Variants in ATP9A observed in about 807,000 individuals in gnomAD.
ATP9A encodes ATPase phospholipid transporting 9A.
ATP9A carries 52 observed loss-of-function variants against 144.1 expected under a neutral mutation model. The ratio of observed to expected loss-of-function variants is 0.36; its 90% CI spans 0.29 to 0.45. The LOEUF is 0.45. Among genes scored for constraint, ATP9A ranks in the 20% least tolerant of loss-of-function variants. ATP9A has a pLI of 1.00. For missense variants in ATP9A, 947 were observed against 1,392.7 expected (o/e 0.68, Z 5.09); for synonymous variants, 582 against 557.4 (o/e 1.04, Z -0.62).
chr20:51,717,374 G>C (rs187042956), intron 3 of ATP9A, among the ~76,000 whole-genome samples: 242 of 152,226 alleles, frequency 1.6e-3, no homozygotes, highest in Middle Eastern at 3.4e-3. Context: ...TGGTCACCTA[G>C]AAGTAGATGC....
At chr20:51,668,148 T>G (rs1180049972) in intron 13 of ATP9A, among the ~76,000 whole-genome samples, 185 of 3,456 alleles carry the variant, frequency 0.054, no homozygotes, top group African/African-American at 0.092. Context: ...GGAGGGAGGG[T>G]AAGGAAAGGA....
Position 51,598,361 on chromosome 20 carries a change from CT to C in ATP9A, c.*2849del, listed in dbSNP as rs2077128100. 1 of 152,126 alleles carries C rather than the reference CT, an allele frequency of 6.6e-6. No homozygotes were observed. The highest frequency in any genetic ancestry group is 1.5e-5 in the Non-Finnish European group (1 of 68,022). 9.4% of individuals were successfully genotyped at this position (152,126 alleles called of 1,614,324 possible). A position where few individuals can be genotyped will look rare whatever the true frequency, so the allele number is the denominator to read the frequency against. On this transcript the variant is annotated 3_prime_UTR_variant, in exon 28 of 28. Transcript: ENST00000338821. ...AGGGCGCAGGGAGCTGTGAGTTTTG[CT>C]TTCAGGAAAAGTGTTCAAACAGTGC... is the stretch of plus-strand genomic sequence containing the variant.
chr20:51,684,872 G>T (rs992532972), intron 9 of ATP9A, among the ~76,000 whole-genome samples: 2 of 150,614 alleles, frequency 1.3e-5, no homozygotes, highest in African/African-American at 2.4e-5. Flanking sequence ...TTAGCCTGGC[G>T]TAGTGGCAGG....
chr20:51,601,982 C>CT (rs2077145102), intron 27 of ATP9A, among the ~76,000 whole-genome samples: 1 of 152,138 alleles, frequency 6.6e-6, no homozygotes, highest in East Asian at 1.9e-4. Context: ...TTGGTGTTGT[C>CT]TAACAGTTGG....
At chr20:51,747,124 A>C (rs867866411) in intron 1 of ATP9A, among the ~76,000 whole-genome samples, 1 of 141,654 alleles carries the variant, frequency 7.1e-6, no homozygotes, top group African/African-American at 2.7e-5. Context: ...TTCCTGTTTA[A>C]CTAGGAGAAT....
intron 3 of ATP9A, among the ~76,000 whole-genome samples, chr20:51,722,465 G>C (rs1177982563): frequency 1.3e-5 from 2 of 151,974 alleles, no homozygotes; most frequent in Non-Finnish European, 2.9e-5. Context: ...CTAACATCCA[G>C]AATCTACAAA....
At chr20:51,663,770 G>A (rs1208406900) in intron 13 of ATP9A, among the ~76,000 whole-genome samples, 3 of 137,454 alleles carry the variant, frequency 2.2e-5, no homozygotes, top group African/African-American at 8.0e-5. Flanking sequence ...CTCCAGCCTG[G>A]GAAACAGAGC....
At chr20:51,617,923 A>G (rs1197677140) in intron 21 of ATP9A, among the ~76,000 whole-genome samples, 1 of 152,184 alleles carries the variant, frequency 6.6e-6, no homozygotes, top group Non-Finnish European at 1.5e-5. Flanking sequence ...AGCACATTTT[A>G]AAGGTGATCC....
intron 13 of ATP9A, among the ~76,000 whole-genome samples, chr20:51,657,640 T>C (rs2235858): frequency 0.23 from 35,710 of 152,160 alleles, 5,018 homozygotes; most frequent in East Asian, 0.49. Flanking sequence ...AAATGTCCAA[T>C]AGAGGCCAAA....
intron 4 of ATP9A, among the ~76,000 whole-genome samples, chr20:51,702,798 G>C (rs746749270): frequency 6.6e-6 from 1 of 152,094 alleles, no homozygotes. Flanking sequence ...AACAAGATAC[G>C]GAGAAGTAAC....
intron 8 of ATP9A, 127 bp downstream of exon 8, chr20:51,690,612 G>T: frequency 1.3e-6 from 1 of 778,384 alleles, no homozygotes. Context: ...TCAAGGCGGT[G>T]CCTTCTTTAT....
At chr20:51,606,243 C>T (rs965343602) in intron 26 of ATP9A, among the ~76,000 whole-genome samples, 2 of 152,128 alleles carry the variant, frequency 1.3e-5, no homozygotes, top group African/African-American at 4.8e-5. Flanking sequence ...GACAAAAGAG[C>T]AAAACTCCAT....
chr20:51,708,936 C>A (rs1224647192), intron 4 of ATP9A, among the ~76,000 whole-genome samples: 1 of 152,014 alleles, frequency 6.6e-6, no homozygotes, highest in East Asian at 1.9e-4. Flanking sequence ...ATATAACTGA[C>A]AAACCTGGTC....
chr20:51,724,617 G>A (rs539326030), intron 3 of ATP9A, among the ~76,000 whole-genome samples: 17 of 152,280 alleles, frequency 1.1e-4, no homozygotes, highest in Non-Finnish European at 2.2e-4. Context: ...CTGGTTTATT[G>A]TCTATCCCTT....
rs1027443310 is a variant in ATP9A, at chr20:51,688,970, C to T, written c.799+94G>A. 51 of 1,352,514 alleles carry T rather than the reference C, an allele frequency of 3.8e-5. No individual in the cohort carries two copies. In the African/African-American group the frequency reaches 6.8e-4, roughly 18 times the overall value. The allele number at this position is 1,352,514 out of a possible 1,614,324, so 83.8% of individuals were successfully genotyped here. A position where few individuals can be genotyped will look rare whatever the true frequency, so the allele number is the denominator to read the frequency against. The stretch of plus-strand genomic sequence containing the variant: ...GTGGAAAATGCCATTTGACCGAGCA[C>T]TCATTTTTCCAACTGACAGATGATT... On this transcript the variant is annotated intron_variant, in intron 9 of 27. Coordinates refer to ENST00000338821, the MANE Select transcript of ATP9A (RefSeq NM_006045.3).
chr20:51,681,191 GA>G (rs1429111748), intron 9 of ATP9A, among the ~76,000 whole-genome samples: 1 of 152,156 alleles, frequency 6.6e-6, no homozygotes, highest in Non-Finnish European at 1.5e-5. Context: ...AATGTTATGA[GA>G]CCAAGTTAAG....
chr20:51,696,197 C>G (rs927115427), intron 5 of ATP9A, 53 bp from the exon 6 acceptor site: 2 of 1,576,674 alleles, frequency 1.3e-6, no homozygotes, highest in East Asian at 2.2e-5. Context: ...GTGTGCTGTG[C>G]GGTGGGGAGG....
chr20:51,748,376 A>G (rs1156607714), intron 1 of ATP9A, among the ~76,000 whole-genome samples: 1 of 152,216 alleles, frequency 6.6e-6, no homozygotes, highest in Non-Finnish European at 1.5e-5. Flanking sequence ...AAAACAATGA[A>G]TGAAAATAAA....
At chr20:51,761,397 A>C (rs1217888786) in intron 1 of ATP9A, among the ~76,000 whole-genome samples, 1 of 152,176 alleles carries the variant, frequency 6.6e-6, no homozygotes, top group Non-Finnish European at 1.5e-5. Flanking sequence ...AAAGAGGAGC[A>C]CGACAATCCG....
Sources: gnomAD v4.1 joint callset for allele counts (sites outside exome capture counted in the v4.1 genomes callset) on GRCh38, gnomAD v4.1.1 for gene constraint, MANE v1.5 for transcripts, NCBI Gene and HGNC (gene_info 2026-07-23, HGNC 2026-07-21) for gene names.